EPHA3: variants seen among roughly 807,000 people sequenced by gnomAD.
The protein encoded by EPHA3 is ephrin type-A receptor 3.
Under a neutral mutation model 107.1 loss-of-function variants are expected in EPHA3, and 42 were observed. The ratio of observed to expected loss-of-function variants is 0.39; its 90% CI spans 0.31 to 0.51. EPHA3 has a LOEUF of 0.51. Ranked by LOEUF, EPHA3 falls within the 20% of genes least tolerant of loss-of-function variation. EPHA3 has a pLI of 0.78. For missense variants in EPHA3, 1,183 were observed against 1,211.2 expected (o/e 0.98, Z 0.35); for synonymous variants, 461 against 424.8 (o/e 1.09, Z -1.05).
At chr3:89,163,943 T>C (rs1253259839) in intron 2 of EPHA3, among the ~76,000 whole-genome samples, 1 of 152,226 alleles carries the variant, frequency 6.6e-6, no homozygotes, top group African/African-American at 2.4e-5. Context: ...TCTTTAAATC[T>C]GATTGTGCCT....
chr3:89,315,676 G>A (rs1706881093), intron 3 of EPHA3, among the ~76,000 whole-genome samples: 1 of 151,170 alleles, frequency 6.6e-6, no homozygotes, highest in Non-Finnish European at 1.5e-5. Flanking sequence ...AGTTCTGAAA[G>A]GGTTCTTTTT....
intron 3 of EPHA3, among the ~76,000 whole-genome samples, chr3:89,247,594 A>G (rs993524862): frequency 6.6e-6 from 1 of 152,126 alleles, no homozygotes; most frequent in African/African-American, 2.4e-5. Flanking sequence ...TTTGAAGACC[A>G]TGGAAACAGG....
At chr3:89,224,935 A>G (rs535857608) in intron 3 of EPHA3, among the ~76,000 whole-genome samples, 15 of 152,188 alleles carry the variant, frequency 9.9e-5, no homozygotes, top group African/African-American at 3.4e-4. Context: ...GCTGAAAAAT[A>G]TAGACGGGAA....
chr3:89,260,167 G>T (rs1304407318), intron 3 of EPHA3, among the ~76,000 whole-genome samples: 4 of 152,190 alleles, frequency 2.6e-5, no homozygotes, highest in Non-Finnish European at 5.9e-5. Flanking sequence ...TTACAAGGCT[G>T]TGATTCCATC....
At chr3:89,181,626 A>T (rs1174410669) in intron 2 of EPHA3, among the ~76,000 whole-genome samples, 1 of 151,988 alleles carries the variant, frequency 6.6e-6, no homozygotes, top group Non-Finnish European at 1.5e-5. Flanking sequence ...ATATGCAATC[A>T]GTAAGTATGT....
chr3:89,121,312 A>C (rs1229378656), intron 1 of EPHA3, among the ~76,000 whole-genome samples: 1 of 152,234 alleles, frequency 6.6e-6, no homozygotes. Flanking sequence ...AAAATTGTAT[A>C]AATTAACATT....
intron 3 of EPHA3, among the ~76,000 whole-genome samples, chr3:89,248,613 C>A (rs1466988124): frequency 1.3e-5 from 2 of 152,136 alleles, no homozygotes; most frequent in Non-Finnish European, 2.9e-5. Flanking sequence ...AACATTACAT[C>A]TCAGGAAGTC....
chr3:89,253,758 GA>G (rs1304875122), intron 3 of EPHA3, among the ~76,000 whole-genome samples: 38 of 151,544 alleles, frequency 2.5e-4, no homozygotes, highest in Admixed American at 5.9e-4. Context: ...TCAAAATTAA[GA>G]AAAAAATCTG....
chr3:89,172,193 G>A (rs1457393058), intron 2 of EPHA3, among the ~76,000 whole-genome samples: 1 of 152,144 alleles, frequency 6.6e-6, no homozygotes, highest in Non-Finnish European at 1.5e-5. Flanking sequence ...TATGCGTGTT[G>A]TTGTGAACAT....
At chr3:89,414,769 T>C (rs1386486847) in intron 10 of EPHA3, among the ~76,000 whole-genome samples, 1 of 151,644 alleles carries the variant, frequency 6.6e-6, no homozygotes, top group Non-Finnish European at 1.5e-5. Flanking sequence ...CAGACTCAGA[T>C]ATACAGAACA....
At chr3:89,338,821 A>G (rs1197636003) in intron 3 of EPHA3, among the ~76,000 whole-genome samples, 1 of 152,188 alleles carries the variant, frequency 6.6e-6, no homozygotes, top group Non-Finnish European at 1.5e-5. Context: ...GTATTCACTA[A>G]ACACTCAGTC....
rs1006907610 is a variant in EPHA3 at position 89,195,286 on chromosome 3, A to G, written c.154-14574A>G. Among the ~76,000 whole-genome samples the G allele has an allele frequency of 7.9e-5, 12 of 152,198 alleles. No homozygotes were observed. The East Asian group carries it at 2.1e-3, about 27-fold the overall frequency. On this transcript the variant is annotated intron_variant, in intron 2 of 16. Transcript: ENST00000336596. ...TCATAACGTTATCTCCAAGTCACCA[A>G]GACAGGTTCATAAAAAACAGGAAAG...
chr3:89,327,362 A>G (rs1413787593), intron 3 of EPHA3, among the ~76,000 whole-genome samples: 1 of 152,176 alleles, frequency 6.6e-6, no homozygotes, highest in East Asian at 1.9e-4. Flanking sequence ...AATGACTGCT[A>G]GAATATGAGT....
chr3:89,236,569 T>C, intron 3 of EPHA3, among the ~76,000 whole-genome samples: 1 of 86,274 alleles, frequency 1.2e-5, no homozygotes, highest in Admixed American at 1.7e-4. Context: ...CATCACACTC[T>C]GGGGACTGTT....
intron 3 of EPHA3, among the ~76,000 whole-genome samples, chr3:89,217,050 G>A (rs1324149854): frequency 1.3e-5 from 2 of 151,710 alleles, no homozygotes; most frequent in Admixed American, 1.3e-4. Context: ...TTTTTTTCCT[G>A]TGATTTCTCC....
chr3:89,130,314 T>C (rs1704179022), intron 2 of EPHA3, among the ~76,000 whole-genome samples: 1 of 152,174 alleles, frequency 6.6e-6, no homozygotes, highest in African/African-American at 2.4e-5. Context: ...ACTAAGGAGA[T>C]TTGGGAGACT....
intron 11 of EPHA3, among the ~76,000 whole-genome samples, 162 bp from the exon 12 acceptor site, chr3:89,428,944 T>C (rs1709507828): frequency 6.6e-6 from 1 of 152,114 alleles, no homozygotes; most frequent in African/African-American, 2.4e-5. Context: ...AAAGTTTTAT[T>C]TTCTAATGAA....
intron 2 of EPHA3, among the ~76,000 whole-genome samples, chr3:89,186,368 G>A (rs1705566662): frequency 6.8e-6 from 1 of 147,072 alleles, no homozygotes; most frequent in African/African-American, 2.6e-5. Flanking sequence ...CATGTCCTTG[G>A]TTTAAAAAAA....
intron 3 of EPHA3, among the ~76,000 whole-genome samples, chr3:89,281,501 C>T (rs1175028245): frequency 6.6e-6 from 1 of 151,988 alleles, no homozygotes; most frequent in Non-Finnish European, 1.5e-5. Flanking sequence ...GATACTGTGC[C>T]CTAAAATATT....
Sources: allele counts gnomAD v4.1 joint callset (sites outside exome capture counted in the v4.1 genomes callset), GRCh38; gene constraint gnomAD v4.1.1; transcripts MANE v1.5; gene names NCBI Gene and HGNC (gene_info 2026-07-23, HGNC 2026-07-21).